The following PPFIBP1 variants were observed in gnomAD, a reference collection of about 807,000 sequenced individuals.
PPFIBP1 encodes liprin-beta-1.
A neutral mutation model predicts 137.8 loss-of-function variants in PPFIBP1; 112 were observed. The ratio of observed to expected loss-of-function variants is 0.81; its 90% CI spans 0.70 to 0.95. The LOEUF (loss-of-function observed/expected upper bound fraction) is 0.95, where lower values mean the gene tolerates loss of function less well. Among genes scored for constraint, PPFIBP1 ranks in the 40% least tolerant of loss-of-function variants. The probability of loss-of-function intolerance (pLI) is 0.00; values close to 1 mark genes in which losing one functional copy is unlikely to be tolerated. For missense variants in PPFIBP1, 1,083 were observed against 1,196.6 expected, an observed-to-expected ratio of 0.91 and a Z score of 1.40; for synonymous variants, 378 against 417.3, an observed-to-expected ratio of 0.91 and a Z score of 1.15.
At chr12:27,676,688 A>T (rs2060533897) in intron 18 of PPFIBP1, 89 bp downstream of exon 18, 9 of 1,253,060 alleles carry the variant, frequency 7.2e-6, no homozygotes, top group Non-Finnish European at 1.0e-5. Context: ...TCATTCATTG[A>T]TTCATTTCTC....
At chr12:27,642,018 A>G (rs1210656587) in intron 4 of PPFIBP1, among the ~76,000 whole-genome samples, 1 of 152,180 alleles carries the variant, frequency 6.6e-6, no homozygotes, top group African/African-American at 2.4e-5. Flanking sequence ...AGGGAAAAGT[A>G]GATGGTGTTC....
chr12:27,533,722 G>A (rs540018609), intron 1 of PPFIBP1, among the ~76,000 whole-genome samples: 4 of 152,202 alleles, frequency 2.6e-5, no homozygotes, highest in Non-Finnish European at 5.9e-5. Flanking sequence ...AGTGAGAATG[G>A]TTGAGCTCCC....
chr12:27,610,939 G>A (rs182590699), intron 2 of PPFIBP1, among the ~76,000 whole-genome samples: 1 of 150,584 alleles, frequency 6.6e-6, no homozygotes, highest in Non-Finnish European at 1.5e-5. Context: ...GGTGAGGTGG[G>A]GAAAATAGGA....
intron 2 of PPFIBP1, chr12:27,599,498 ATCTC>A: frequency 2.2e-6 from 1 of 454,738 alleles, no homozygotes; most frequent in Non-Finnish European, 4.4e-6. Context: ...ATTCCTTAAA[ATCTC>A]TCTCCTTTCT....
intron 5 of PPFIBP1, 133 bp downstream of exon 5, chr12:27,646,281 A>C (rs773637373): frequency 1.4e-6 from 1 of 729,892 alleles, no homozygotes; most frequent in Non-Finnish European, 2.4e-6. Flanking sequence ...ATCTGTACAC[A>C]ATAGGGAGTG....
chr12:27,618,197 G>A (rs1415067502), intron 2 of PPFIBP1, among the ~76,000 whole-genome samples: 2 of 152,170 alleles, frequency 1.3e-5, no homozygotes, highest in African/African-American at 4.8e-5. Context: ...ACAAATAGTT[G>A]TTATTTATTT....
intron 7 of PPFIBP1, among the ~76,000 whole-genome samples, chr12:27,652,336 C>A (rs2058925186): frequency 6.6e-6 from 1 of 152,146 alleles, no homozygotes; most frequent in Admixed American, 6.5e-5. Context: ...AGATGATTAG[C>A]ATCATTCAAC....
chr12:27,569,130 G>C (rs1310707862), intron 1 of PPFIBP1, among the ~76,000 whole-genome samples: 1 of 152,116 alleles, frequency 6.6e-6, no homozygotes, highest in African/African-American at 2.4e-5. Context: ...TCATCCTCTG[G>C]TGTGGTCTCC....
intron 13 of PPFIBP1, among the ~76,000 whole-genome samples, chr12:27,667,713 C>A (rs1399479350): frequency 6.6e-6 from 1 of 152,234 alleles, no homozygotes; most frequent in Non-Finnish European, 1.5e-5. Flanking sequence ...CGTCTCTGCT[C>A]TACTTGGCAT....
At position 27,655,747 on chromosome 12, in the gene PPFIBP1, A is replaced by AG. The variant is rs2059157831; in HGVS notation, c.697-868dup. On this transcript the variant is annotated intron_variant, in intron 8 of 29. Coordinates refer to ENST00000228425, the MANE Select transcript of PPFIBP1 (RefSeq NM_003622.4). ...ACCAGAAGTCAAAACTATAGGGCCAAGTGCCTCACTTCATTGGAGAACTAC... is the reference window on the plus strand; with the variant it reads ...ACCAGAAGTCAAAACTATAGGGCCAAGGTGCCTCACTTCATTGGAGAACTAC... 2.6e-5 allele frequency among the ~76,000 whole-genome samples: 4 copies of AG among 152,234 alleles called. No homozygotes were observed. In the East Asian group the frequency reaches 7.7e-4, roughly 29 times the overall value.
Position 27,689,167 on chromosome 12 carries a change from G to A in PPFIBP1, c.2649G>A (p.Pro883=), listed in dbSNP as rs2140520213. The A allele has an allele frequency of 3.1e-6, 5 of 1,590,270 alleles. No homozygotes were observed. Among genetic ancestry groups the A allele is most frequent in the Non-Finnish European group, 4.3e-6 (5 of 1,172,856 alleles). ...AGAAGCGAGATGCCATGGAGCTGCC[G>A]GATTATGTACTTCTAACAGCTACTG... ...QHQKRDAMEL[P]DYVLLTATAK... is the part of the protein sequence containing the mutation. The change falls in exon 27 of 30, where the codon CCG becomes CCA. Residue 883 remains proline (P), a synonymous_variant. Coordinates refer to ENST00000228425, the MANE Select transcript of PPFIBP1 (RefSeq NM_003622.4).
Position 27,676,514 on chromosome 12 carries a change from C to T in PPFIBP1, c.1497C>T (p.Phe499=), listed in dbSNP as rs577995411. ...ACACCTCCATGGATGACAACCCCTT[C>T]GGCACTCGAAAAGTCAGATCTTCCT... The part of the protein sequence containing the change: ...GQDTSMDDNP[F]GTRKVRSSFG... The change falls in exon 18 of 30, where the codon TTC becomes TTT. Residue 499 remains phenylalanine, a synonymous_variant. Transcript: ENST00000228425. 4.5e-5 allele frequency: 73 copies of T among 1,610,420 alleles called. No homozygotes were observed. In the East Asian group the frequency reaches 1.5e-3, roughly 32 times the overall value.
At chr12:27,589,196 C>T (rs1026643257) in intron 2 of PPFIBP1, among the ~76,000 whole-genome samples, 13 of 152,136 alleles carry the variant, frequency 8.5e-5, no homozygotes, top group East Asian at 5.8e-4. Flanking sequence ...TTAACTGTTC[C>T]TTCAAAATTG....
intron 2 of PPFIBP1, among the ~76,000 whole-genome samples, chr12:27,625,121 G>A (rs1462431862): frequency 6.6e-6 from 1 of 151,934 alleles, no homozygotes; most frequent in African/African-American, 2.4e-5. Context: ...AATAAGCCAG[G>A]TGTGGTAGTC....
chr12:27,565,297 C>T (rs555334555), intron 1 of PPFIBP1, among the ~76,000 whole-genome samples: 8 of 152,266 alleles, frequency 5.3e-5, no homozygotes, highest in South Asian at 4.1e-4. Flanking sequence ...CATTGGAGTC[C>T]GGGGAAAGCT....
intron 4 of PPFIBP1, among the ~76,000 whole-genome samples, chr12:27,645,454 G>A (rs138789436): frequency 8.5e-5 from 13 of 152,150 alleles, no homozygotes; most frequent in Non-Finnish European, 1.3e-4. Context: ...TTTTAAAAAA[G>A]TGTGGGGGGC....
chr12:27,623,242 T>A (rs1050309533), intron 2 of PPFIBP1, among the ~76,000 whole-genome samples: 5 of 152,174 alleles, frequency 3.3e-5, no homozygotes, highest in African/African-American at 1.2e-4. Context: ...TACTCCTCCA[T>A]AATACTGGGG....
rs768895000 is a variant in PPFIBP1, at chr12:27,667,315, G to A, written c.1141G>A (p.Glu381Lys). Residue 381 changes from glutamate to lysine, a missense_variant, in exon 13 of 30, where the codon GAA becomes AAA. Physicochemically the swap from Glu to Lys is moderately conservative, Grantham distance 56. Coordinates refer to ENST00000228425, the MANE Select transcript of PPFIBP1 (RefSeq NM_003622.4). ...SCDPFNTSVPEEFHTTILQVS... is the reference protein window; with the variant it reads ...SCDPFNTSVPKEFHTTILQVS... ...TGACCCATTTAACACAAGTGTTCCC[G>A]AAGAGGTATTAATAGACTTTCAGTA... is the stretch of plus-strand genomic sequence containing the variant. 1.4e-5 allele frequency: 22 copies of A among 1,598,692 alleles called. No homozygotes were observed. The highest frequency in any genetic ancestry group is 1.1e-4 in the East Asian group (5 of 44,748).
chr12:27,635,318 A>G (rs1262089175), intron 4 of PPFIBP1: 7 of 609,548 alleles, frequency 1.1e-5, no homozygotes, highest in African/African-American at 9.2e-5. Flanking sequence ...GTAAATACCA[A>G]CAACAGGTCA....
Sources: gnomAD v4.1 joint callset for allele counts (sites outside exome capture counted in the v4.1 genomes callset) on GRCh38, gnomAD v4.1.1 for gene constraint, MANE v1.5 for transcripts, NCBI Gene and HGNC (gene_info 2026-07-23, HGNC 2026-07-21) for gene names.